IL20: variants seen among roughly 807,000 people sequenced by gnomAD.
IL20 encodes the protein interleukin-20.
IL20 carries 22 observed loss-of-function variants against 19.2 expected under a neutral mutation model. The observed-to-expected ratio is 1.15, with a 90% CI of 0.82 to 1.64. IL20 has a LOEUF of 1.64. Among genes scored for constraint, IL20 ranks in the 40% most tolerant of loss-of-function variants. The pLI, the probability that IL20 is intolerant of heterozygous loss-of-function variation, is 0.00. For synonymous variants in IL20, 70 were observed against 76.2 expected (o/e 0.92, Z 0.43); for missense variants, 215 against 212.8 (o/e 1.01, Z -0.06).
chr1:206,866,136 G>C lies in IL20; in HGVS notation c.159+125G>C, dbSNP rs1572589112. The C allele has an allele frequency of 3.5e-6, 4 of 1,155,500 alleles. No homozygotes were observed. The Admixed American group carries it at 7.5e-5, about 22-fold the overall frequency. 71.6% of individuals were successfully genotyped at this position (1,155,500 alleles called of 1,614,324 possible). ...GCAGGCTGGGGATTCCTTACCCGGG[G>C]GATGTATTCCAAAGAAATAACTGTA... On this transcript the variant is annotated intron_variant, in intron 2 of 5. Transcript: ENST00000367098.
In IL20 at chr1:206,866,612, C is replaced by A. The variant is rs202145940; in HGVS notation, c.354C>A (p.Thr118=). 6.2e-7 allele frequency: 1 copy of A among 1,614,106 alleles called. No individual in the cohort carries two copies. Among genetic ancestry groups the A allele is most frequent in the Non-Finnish European group, 8.5e-7 (1 of 1,179,986 alleles). ...GCAGCCTCGCCAATTCCTTTCTTAC[C>A]ATCAAGAAGGACCTCCGGCTCTGTG... is the stretch of plus-strand genomic sequence containing the variant. ...KISSLANSFL[T]IKKDLRLCHA... is the part of the protein sequence containing the mutation. Residue 118 remains threonine (T), a synonymous_variant, in exon 4 of 6, where the codon ACC becomes ACA. Transcript: ENST00000367098.
chr1:206,867,432 A>C lies in IL20; in HGVS notation c.427A>C (p.Ser143Arg). ...HCGEEAMKKY[S>R]QILSHFEKLE... is the part of the protein sequence containing the mutation. ...TGGGGAGGAAGCAATGAAGAAATACAGCCAGATTCTGAGTCACTTTGAAAA... is the reference window on the plus strand; with the variant it reads ...TGGGGAGGAAGCAATGAAGAAATACCGCCAGATTCTGAGTCACTTTGAAAA... Residue 143 changes from serine (S) to arginine (R), a missense_variant, in exon 5 of 6, where the codon AGC (serine) becomes CGC (arginine). Ser to Arg is a moderately radical substitution (Grantham distance 110). Transcript: ENST00000367098. 6.2e-7 allele frequency: 1 copy of C among 1,613,902 alleles called. No homozygotes were observed. The highest frequency in any genetic ancestry group is 8.5e-7 in the Non-Finnish European group (1 of 1,179,802).
At position 206,866,283 on chromosome 1, in the gene IL20, GTCT is replaced by G. The variant is rs752309534; in HGVS notation, c.160-9_160-7del. ...GCACTGACTCATCCTTGCTTGTTTT[GTCT>G]TCTTCTGTTTAGCAAGCCAAAGATG... On this transcript the variant is annotated splice_polypyrimidine_tract_variant and intron_variant, in intron 2 of 5. Transcript: ENST00000367098. The G allele has an allele frequency of 6.8e-6, 11 of 1,613,718 alleles. No individual in the cohort carries two copies. In the East Asian group the frequency reaches 1.1e-4, roughly 16 times the overall value.
At chr1:206,865,341 C>A (rs1400986), upstream of IL20, 1 of 211,372 alleles carries the variant, frequency 4.7e-6, no homozygotes, top group Non-Finnish European at 8.2e-6. The surrounding 1 kb of genome is among the most constrained non-coding windows in gnomAD (Gnocchi z 4.1). Context: ...ACAATTTCCC[C>A]CTAGGTGTTT....
upstream of IL20, among the ~76,000 whole-genome samples, chr1:206,864,112 C>G (rs76185970): frequency 3.1e-3 from 470 of 152,250 alleles, 7 homozygotes; most frequent in East Asian, 0.054. Context: ...GAACCATTCC[C>G]TGCCCCCCAA....
chr1:206,866,298 G>A lies in IL20; in HGVS notation c.160-1G>A, dbSNP rs1677542639. 1.2e-6 allele frequency: 2 copies of A among 1,614,090 alleles called. No individual in the cohort carries two copies. The highest frequency in any genetic ancestry group is 2.7e-5 in the African/African-American group (2 of 75,034). On this transcript the variant is annotated splice_acceptor_variant, in intron 2 of 5. Transcript: ENST00000367098. LOFTEE classifies it high-confidence loss of function. ...TGCTTGTTTTGTCTTCTTCTGTTTAGCAAGCCAAAGATGGAAACATTGACA... is the reference window on the plus strand; with the variant it reads ...TGCTTGTTTTGTCTTCTTCTGTTTAACAAGCCAAAGATGGAAACATTGACA...
intron 3 of IL20, 54 bp downstream of exon 3, chr1:206,866,418 C>G: frequency 6.2e-7 from 1 of 1,612,818 alleles, no homozygotes; most frequent in Non-Finnish European, 8.5e-7. Flanking sequence ...GGGAGCATCT[C>G]CATCACCCTG....
At position 206,866,368 on chromosome 1, in the gene IL20, T is replaced by C; in HGVS notation, c.225+4T>C. 6.2e-7 allele frequency: 1 copy of C among 1,613,998 alleles called. No homozygotes were observed. Among genetic ancestry groups the C allele is most frequent in the Non-Finnish European group, 8.5e-7 (1 of 1,179,892 alleles). On this transcript the variant is annotated splice_donor_region_variant and intron_variant, in intron 3 of 5. Transcript: ENST00000367098. ...TGAGTCTTTGCAAGACACAAAGGTA[T>C]GTGCTTGGCCCAGACAAACTCTGGG... is the stretch of plus-strand genomic sequence containing the variant.
intron 2 of IL20, 58 bp from the exon 3 acceptor site, chr1:206,866,241 G>C: frequency 6.5e-7 from 1 of 1,533,434 alleles, no homozygotes; most frequent in South Asian, 1.1e-5. Flanking sequence ...TCTTGATATT[G>C]AAGACCCTGG....
intron 2 of IL20, 139 bp from the exon 3 acceptor site, chr1:206,866,160 T>A: frequency 8.8e-7 from 1 of 1,137,854 alleles, no homozygotes; most frequent in Non-Finnish European, 1.3e-6. Context: ...GAAATAACTG[T>A]AGTTCAAATA....
Position 206,866,530 on chromosome 1 carries a change from T to C in IL20, c.272T>C (p.Leu91Pro), listed in dbSNP as rs766084077. The change falls in exon 4 of 6, where the codon CTG (leucine) becomes CCG (proline). Residue 91 changes from leucine to proline, a missense_variant. Physicochemically the swap from Leu to Pro is moderately conservative, Grantham distance 98. Coordinates refer to ENST00000367098, the MANE Select transcript of IL20 (RefSeq NM_018724.4). ...CLLRHLLRLYLDRVFKNYQTP... is the reference protein window; with the variant it reads ...CLLRHLLRLYPDRVFKNYQTP... ...CTGCGCCATTTGCTAAGACTCTATC[T>C]GGACAGGGTATTTAAAAACTACCAG... The C allele has an allele frequency of 6.2e-7, 1 of 1,614,138 alleles. No homozygotes were observed.
Position 206,866,488 on chromosome 1 carries a change from C to A in IL20, c.230C>A (p.Ala77Glu). The change falls in exon 4 of 6, where the codon GCG becomes GAG. Residue 77 changes from alanine to glutamate, a missense_variant. Physicochemically the swap from Ala to Glu is moderately radical, Grantham distance 107. Transcript: ENST00000367098. ...RTESLQDTKP[A>E]NRCCLLRHLL... The stretch of plus-strand genomic sequence containing the variant: ...TATACCTGTGGTTTTTTGCAGCCTG[C>A]GAATCGATGCTGCCTCCTGCGCCAT... The A allele has an allele frequency of 3.7e-6, 6 of 1,613,854 alleles. No individual in the cohort carries two copies. The South Asian group carries it at 4.4e-5, about 12-fold the overall frequency.
At chr1:206,866,750 T>C (rs1677561564) in intron 4 of IL20, 114 bp downstream of exon 4, 1 of 1,075,816 alleles carries the variant, frequency 9.3e-7, no homozygotes, top group South Asian at 1.5e-5. Context: ...AGTCCAAAAG[T>C]TCTAATAATC....
upstream of IL20, among the ~76,000 whole-genome samples, chr1:206,864,913 A>G (rs1397300767): frequency 6.6e-6 from 1 of 152,124 alleles, no homozygotes; most frequent in Admixed American, 6.5e-5. Flanking sequence ...GCCCATTATT[A>G]TTTTATCTTA....
At chr1:206,863,616 T>C (rs1161915828), upstream of IL20, among the ~76,000 whole-genome samples, 1 of 152,132 alleles carries the variant, frequency 6.6e-6, no homozygotes, top group Non-Finnish European at 1.5e-5. Context: ...AGGTAAGAGA[T>C]CTTACCCTCT....
chr1:206,868,168 G>T (rs757620972), intron 5 of IL20, among the ~76,000 whole-genome samples: 1 of 149,352 alleles, frequency 6.7e-6, no homozygotes, highest in Admixed American at 6.7e-5. Flanking sequence ...ACACAGGCAC[G>T]TGCACACACA....
At position 206,868,525 on chromosome 1, in the gene IL20, A is replaced by T. The variant is rs1483091706; in HGVS notation, c.492A>T (p.Glu164Asp). ...CAGCAGTTGTGAAGGCTTTGGGGGA[A>T]CTAGACATTCTTCTGCAATGGATGG... Reference protein sequence around the residue: ...PQAAVVKALGELDILLQWMEE... With the variant: ...PQAAVVKALGDLDILLQWMEE... The change falls in exon 6 of 6, where the codon GAA (glutamate) becomes GAT (aspartate). Residue 164 changes from glutamate to aspartate, a missense_variant. Glu to Asp is a conservative substitution (Grantham distance 45, BLOSUM62 2). Coordinates refer to ENST00000367098, the MANE Select transcript of IL20 (RefSeq NM_018724.4). The T allele has an allele frequency of 6.2e-7, 1 of 1,604,680 alleles. No homozygotes were observed. The highest frequency in any genetic ancestry group is 8.5e-7 in the Non-Finnish European group (1 of 1,175,592).
Position 206,868,189 on chromosome 1 carries a change from CG to C in IL20, c.454-297del, listed in dbSNP as rs1387558136. Among the ~76,000 whole-genome samples, 34 of 152,058 alleles carry C rather than the reference CG, an allele frequency of 2.2e-4. 2 individuals are homozygous for C. The South Asian group carries it at 7.1e-3, about 32-fold the overall frequency. On this transcript the variant is annotated intron_variant, in intron 5 of 5. Transcript: ENST00000367098. ...GCACGTGCACACACACACACACACA[CG>C]TTTCTTAAAGAAAATAGCTTGATTA...
upstream of IL20, among the ~76,000 whole-genome samples, chr1:206,864,868 A>C (rs1677502412): frequency 6.6e-6 from 1 of 152,228 alleles, no homozygotes; most frequent in South Asian, 2.1e-4. Context: ...TTTTGCACCT[A>C]AAATGAGTGC....
Sources: gnomAD v4.1 joint callset for allele counts (sites outside exome capture counted in the v4.1 genomes callset) on GRCh38, gnomAD v4.1.1 for gene constraint, Gnocchi (gnomAD v3.1) non-coding constraint, MANE v1.5 for transcripts, NCBI Gene and HGNC (gene_info 2026-07-23, HGNC 2026-07-21) for gene names.